The following MOXD1 variants were observed in gnomAD, a reference collection of about 807,000 sequenced individuals.
MOXD1 encodes monooxygenase DBH like 1.
MOXD1 carries 62 observed loss-of-function variants against 66.6 expected under a neutral mutation model. The observed-to-expected ratio is 0.93, with a 90% CI of 0.76 to 1.15. The LOEUF (loss-of-function observed/expected upper bound fraction) is 1.15, where lower values mean the gene tolerates loss of function less well. MOXD1 is among the 50% of genes most tolerant of loss of function. The pLI is 0.00. For synonymous variants in MOXD1, 303 were observed against 281.9 expected, an observed-to-expected ratio of 1.07 and a Z score of -0.75; for missense variants, 847 against 754.6, an observed-to-expected ratio of 1.12 and a Z score of -1.44.
In MOXD1 at chr6:132,372,682, G is replaced by T; in HGVS notation, c.589C>A (p.Pro197Thr). The change falls in exon 4 of 12, where the codon CCA (proline) becomes ACA (threonine). Residue 197 changes from proline (P) to threonine (T), a missense_variant. Transcript: ENST00000367963. ...FDLVNQDVPI[P>T]NKDTTYWCQM... The stretch of plus-strand genomic sequence containing the variant: ...CACCAATATGTTGTATCTTTGTTTG[G>T]GATGGGGACCTGTCTTAATAAAAAG... 1 of 1,613,646 alleles carries T rather than the reference G, an allele frequency of 6.2e-7. No homozygotes were observed. The highest frequency in any genetic ancestry group is 8.5e-7 in the Non-Finnish European group (1 of 1,179,716).
intron 1 of MOXD1, among the ~76,000 whole-genome samples, chr6:132,389,652 A>G (rs1776716148): frequency 6.6e-6 from 1 of 151,470 alleles, no homozygotes; most frequent in Non-Finnish European, 1.5e-5. Context: ...TGAAATTTTG[A>G]CATAGGAATA....
At chr6:132,344,040 AG>A (rs1300440505) in intron 4 of MOXD1, among the ~76,000 whole-genome samples, 8 of 152,322 alleles carry the variant, frequency 5.3e-5, no homozygotes, top group Middle Eastern at 6.8e-3. Flanking sequence ...ATAGACATAA[AG>A]GTATTGATTT....
chr6:132,312,116 T>C (rs1774843343), intron 10 of MOXD1, among the ~76,000 whole-genome samples: 1 of 151,528 alleles, frequency 6.6e-6, no homozygotes, highest in Non-Finnish European at 1.5e-5. Flanking sequence ...TCTTTGTGAG[T>C]TTTTTGTTTT....
intron 4 of MOXD1, among the ~76,000 whole-genome samples, chr6:132,334,114 T>C (rs540002502): frequency 1.3e-5 from 2 of 152,334 alleles, no homozygotes; most frequent in South Asian, 2.1e-4. Context: ...CCAGGTCAAA[T>C]ATGCCTCACA....
chr6:132,302,487 C>T (rs113090656), intron 10 of MOXD1, among the ~76,000 whole-genome samples: 7 of 145,866 alleles, frequency 4.8e-5, no homozygotes, highest in African/African-American at 1.8e-4. Flanking sequence ...CTTAAAAAAA[C>T]ATATTATTAA....
At position 132,401,465 on chromosome 6, in the gene MOXD1, C is replaced by T. The variant is rs1391979224; in HGVS notation, c.-39G>A. ...CTGCCCGCCGGTACCGGCCTCCAGCCGCTGGGGAGTGAGGAGCAGAACGAG... is the reference window on the plus strand; with the variant it reads ...CTGCCCGCCGGTACCGGCCTCCAGCTGCTGGGGAGTGAGGAGCAGAACGAG... On this transcript the variant is annotated 5_prime_UTR_variant, in exon 1 of 12. Coordinates refer to ENST00000367963, the MANE Select transcript of MOXD1 (RefSeq NM_015529.4). The T allele has an allele frequency of 6.9e-7, 1 of 1,451,062 alleles. No homozygotes were observed. The highest frequency in any genetic ancestry group is 9.0e-7 in the Non-Finnish European group (1 of 1,108,264). 89.9% of individuals were successfully genotyped at this position (1,451,062 alleles called of 1,614,324 possible).
intron 8 of MOXD1, 78 bp from the exon 9 acceptor site, chr6:132,320,766 T>C: frequency 8.2e-7 from 1 of 1,226,878 alleles, no homozygotes; most frequent in Non-Finnish European, 1.2e-6. Context: ...ACGTCAACAG[T>C]TAATATTTGC....
chr6:132,306,948 C>T (rs1335246784), intron 10 of MOXD1, among the ~76,000 whole-genome samples: 1 of 152,150 alleles, frequency 6.6e-6, no homozygotes, highest in Non-Finnish European at 1.5e-5. Context: ...GAAGAAACTG[C>T]ATCAACTAGT....
Position 132,301,241 on chromosome 6 carries a change from AAC to A in MOXD1, c.1509-3288_1509-3287del, listed in dbSNP as rs1235928137. Among the ~76,000 whole-genome samples, 7 of 150,946 alleles carry A rather than the reference AAC, an allele frequency of 4.6e-5. No homozygotes were observed. In the East Asian group the frequency reaches 7.8e-4, roughly 17 times the overall value. ...ATATATATTACTGTAGTCAATAAAA[AAC>A]AGTGTTATTATTATGCTTTAATATT... On this transcript the variant is annotated intron_variant, in intron 10 of 11. Coordinates refer to ENST00000367963, the MANE Select transcript of MOXD1 (RefSeq NM_015529.4).
Position 132,350,565 on chromosome 6 carries a change from A to G in MOXD1, c.664-21971T>C, listed in dbSNP as rs185578979. Among the ~76,000 whole-genome samples the G allele has an allele frequency of 3.9e-3, 589 of 152,026 alleles. 3 individuals carry two copies. Among genetic ancestry groups the G allele is most frequent in the Middle Eastern group, 0.034 (10 of 294 alleles). ...AAATCAAGTGGTGTGATGCCTCCAG[A>G]TTTGTTCTTTTTGCTTAGTCTTGCT... is the stretch of plus-strand genomic sequence containing the variant. On this transcript the variant is annotated intron_variant, in intron 4 of 11. Transcript: ENST00000367963.
intron 1 of MOXD1, among the ~76,000 whole-genome samples, chr6:132,399,554 T>C (rs919040719): frequency 2.0e-5 from 3 of 152,258 alleles, no homozygotes; most frequent in Admixed American, 6.5e-5. Flanking sequence ...GGGCCTATTA[T>C]GGCATGTTGA....
chr6:132,396,318 G>GA (rs1019728595), intron 1 of MOXD1, among the ~76,000 whole-genome samples: 7 of 150,390 alleles, frequency 4.7e-5, no homozygotes, highest in African/African-American at 9.8e-5. Context: ...AATTAAAGAG[G>GA]AAAAAAAAAT....
At chr6:132,322,526 T>G (rs1280297468) in intron 8 of MOXD1, among the ~76,000 whole-genome samples, 153 bp downstream of exon 8, 1 of 152,166 alleles carries the variant, frequency 6.6e-6, no homozygotes, top group Non-Finnish European at 1.5e-5. Flanking sequence ...TCAAACACAT[T>G]CCATCTGGGT....
At chr6:132,372,456 G>T (rs146395373) in intron 4 of MOXD1, 152 bp downstream of exon 4, 2 of 663,028 alleles carry the variant, frequency 3.0e-6, no homozygotes, top group Non-Finnish European at 2.5e-6. Context: ...TCTTGAAAAA[G>T]TATGCAGGTC....
At chr6:132,391,945 T>C in intron 1 of MOXD1, 1 of 417,894 alleles carries the variant, frequency 2.4e-6, no homozygotes. Flanking sequence ...TCCTTATTAC[T>C]AATGCACAAA....
intron 1 of MOXD1, among the ~76,000 whole-genome samples, chr6:132,383,462 A>C (rs987017931): frequency 1.6e-4 from 25 of 152,206 alleles, no homozygotes; most frequent in African/African-American, 5.8e-4. Context: ...TAAAATGCCA[A>C]AATATGAACC....
At chr6:132,328,657 C>T in intron 4 of MOXD1, 63 bp from the exon 5 acceptor site, 1 of 1,457,684 alleles carries the variant, frequency 6.9e-7, no homozygotes, top group Non-Finnish European at 9.4e-7. Context: ...CATCCCACAA[C>T]AAACGTGAAA....
chr6:132,392,735 A>G (rs183691174), intron 1 of MOXD1, among the ~76,000 whole-genome samples: 2 of 152,378 alleles, frequency 1.3e-5, no homozygotes, highest in Admixed American at 1.3e-4. Context: ...GCTCCAGAAC[A>G]ATTTATCCAA....
At chr6:132,315,512 G>A in intron 10 of MOXD1, 123 bp downstream of exon 10, 1 of 1,153,792 alleles carries the variant, frequency 8.7e-7, no homozygotes. Context: ...CCAGTTAAAA[G>A]TAATCAAATA....
Sources: gnomAD v4.1 joint callset for allele counts (sites outside exome capture counted in the v4.1 genomes callset) on GRCh38, gnomAD v4.1.1 for gene constraint, MANE v1.5 for transcripts, NCBI Gene and HGNC (gene_info 2026-07-23, HGNC 2026-07-21) for gene names.